PLCB1: variants seen among roughly 807,000 people sequenced by gnomAD.
The protein encoded by PLCB1 is 1-phosphatidylinositol 4,5-bisphosphate phosphodiesterase beta-1.
Under a neutral mutation model 161.8 loss-of-function variants are expected in PLCB1, and 46 were observed. The observed-to-expected ratio is 0.28, with a 90% CI of 0.22 to 0.36. The LOEUF (loss-of-function observed/expected upper bound fraction) is 0.36, where lower values mean the gene tolerates loss of function less well. PLCB1 is among the 10% of genes least tolerant of loss of function. The probability of loss-of-function intolerance (pLI) is 1.00; values close to 1 mark genes in which losing one functional copy is unlikely to be tolerated. For missense variants in PLCB1, 1,016 were observed against 1,472.5 expected (o/e 0.69, Z 5.07); for synonymous variants, 517 against 503.7 (o/e 1.03, Z -0.35).
chr20:8,239,785 C>T (rs1317276530), intron 2 of PLCB1, among the ~76,000 whole-genome samples: 1 of 152,050 alleles, frequency 6.6e-6, no homozygotes, highest in South Asian at 2.1e-4. Context: ...GAATTGGCAA[C>T]AATTCAGTTC....
intron 12 of PLCB1, among the ~76,000 whole-genome samples, chr20:8,713,741 A>G (rs934409865): frequency 1.3e-5 from 2 of 152,266 alleles, no homozygotes; most frequent in South Asian, 2.1e-4. Context: ...CTTAAAATGC[A>G]TGTTCCGGGG....
intron 2 of PLCB1, among the ~76,000 whole-genome samples, chr20:8,241,856 A>G (rs1980628976): frequency 6.6e-6 from 1 of 151,948 alleles, no homozygotes; most frequent in South Asian, 2.1e-4. Flanking sequence ...GGTGGCTGAG[A>G]TTTAGATGAT....
At chr20:8,699,158 C>T (rs1990645479) in intron 11 of PLCB1, among the ~76,000 whole-genome samples, 1 of 152,176 alleles carries the variant, frequency 6.6e-6, no homozygotes, top group Admixed American at 6.5e-5. Flanking sequence ...CAGAGGACAA[C>T]CTCTCGCACT....
At chr20:8,333,797 G>T (rs1271253351) in intron 2 of PLCB1, among the ~76,000 whole-genome samples, 1 of 152,172 alleles carries the variant, frequency 6.6e-6, no homozygotes, top group Admixed American at 6.5e-5. Flanking sequence ...TGTGGCCCCT[G>T]CTCTGCACTG....
chr20:8,830,639 G>A (rs957141462), intron 31 of PLCB1, among the ~76,000 whole-genome samples: 2 of 151,926 alleles, frequency 1.3e-5, no homozygotes, highest in African/African-American at 4.8e-5. Context: ...TTATGTATCC[G>A]ATCAAGTACC....
At chr20:8,668,462 A>C (rs1243127137) in intron 9 of PLCB1, among the ~76,000 whole-genome samples, 1 of 152,204 alleles carries the variant, frequency 6.6e-6, no homozygotes, top group Non-Finnish European at 1.5e-5. Flanking sequence ...TTATATGTAG[A>C]AAATGAGCCC....
chr20:8,153,087 A>C (rs2051526143), intron 2 of PLCB1, among the ~76,000 whole-genome samples: 1 of 152,186 alleles, frequency 6.6e-6, no homozygotes, highest in Non-Finnish European at 1.5e-5. Flanking sequence ...GGTGACAAAG[A>C]AGACAGCACA....
rs140912869 is a variant in PLCB1 at position 8,542,809 on chromosome 20, C to T, written c.247-85485C>T. 5.3e-4 allele frequency among the ~76,000 whole-genome samples: 80 copies of T among 152,266 alleles called. 1 individual carries two copies. The highest frequency in any genetic ancestry group is 9.7e-4 in the Non-Finnish European group (66 of 68,022). ...AGGGAAGGAAACTGAAGCCGAGGGA[C>T]GTTAATTGAATTGCCTCTGTTGTGG... On this transcript the variant is annotated intron_variant, in intron 3 of 31. Transcript: ENST00000338037.
intron 31 of PLCB1, among the ~76,000 whole-genome samples, chr20:8,822,508 T>C (rs1186991366): frequency 1.3e-5 from 2 of 152,154 alleles, no homozygotes; most frequent in Non-Finnish European, 2.9e-5. Context: ...TGGGCATTTT[T>C]CTTCAATAAT....
chr20:8,383,312 GT>G (rs1427199851), intron 3 of PLCB1, among the ~76,000 whole-genome samples: 1 of 152,018 alleles, frequency 6.6e-6, no homozygotes, highest in Non-Finnish European at 1.5e-5. Flanking sequence ...GTCTTTGTTG[GT>G]TTAAAGTCTG....
chr20:8,615,326 G>C (rs1182920499), intron 3 of PLCB1, among the ~76,000 whole-genome samples: 1 of 152,150 alleles, frequency 6.6e-6, no homozygotes, highest in African/African-American at 2.4e-5. Flanking sequence ...GTGATTTATA[G>C]TTCTTTTGTT....
intron 2 of PLCB1, among the ~76,000 whole-genome samples, chr20:8,319,413 A>C (rs1351957008): frequency 6.6e-6 from 1 of 152,086 alleles, no homozygotes; most frequent in Non-Finnish European, 1.5e-5. Context: ...AGGCTAGCCC[A>C]AGATTGTTCA....
At chr20:8,335,273 C>T (rs1985529085) in intron 2 of PLCB1, among the ~76,000 whole-genome samples, 1 of 152,156 alleles carries the variant, frequency 6.6e-6, no homozygotes, top group African/African-American at 2.4e-5. Context: ...CCTGATGTCT[C>T]ACCCAGCCAG....
intron 22 of PLCB1, among the ~76,000 whole-genome samples, chr20:8,741,139 A>C (rs1000095917): frequency 6.6e-6 from 1 of 152,248 alleles, no homozygotes; most frequent in African/African-American, 2.4e-5. Flanking sequence ...CTAAGGAATC[A>C]AGAATATTCA....
At chr20:8,446,157 C>T (rs1361881815) in intron 3 of PLCB1, among the ~76,000 whole-genome samples, 2 of 152,144 alleles carry the variant, frequency 1.3e-5, no homozygotes, top group African/African-American at 4.8e-5. Context: ...CAAAAATCCT[C>T]AATAAAATGC....
chr20:8,823,310 A>G (rs1985526824), intron 31 of PLCB1, among the ~76,000 whole-genome samples: 1 of 152,098 alleles, frequency 6.6e-6, no homozygotes, highest in Non-Finnish European at 1.5e-5. Context: ...TTTAGTACAG[A>G]TGGGGTTTCA....
intron 3 of PLCB1, among the ~76,000 whole-genome samples, chr20:8,429,518 G>A (rs1369373771): frequency 1.3e-5 from 2 of 151,972 alleles, no homozygotes; most frequent in African/African-American, 2.4e-5. Flanking sequence ...ATAGAGTCAA[G>A]CGCCATGCAA....
chr20:8,822,478 A>G (rs1452787401), intron 31 of PLCB1, among the ~76,000 whole-genome samples: 1 of 152,194 alleles, frequency 6.6e-6, no homozygotes, highest in Non-Finnish European at 1.5e-5. Flanking sequence ...TAAGTTGCCA[A>G]AATACTGTGG....
chr20:8,856,525 G>C (rs1206681319), intron 31 of PLCB1, among the ~76,000 whole-genome samples: 1 of 152,102 alleles, frequency 6.6e-6, no homozygotes. Flanking sequence ...GCTGAGGCAT[G>C]AGAATTGCTT....
Sources: gnomAD v4.1 joint callset for allele counts (sites outside exome capture counted in the v4.1 genomes callset) on GRCh38, gnomAD v4.1.1 for gene constraint, MANE v1.5 for transcripts, NCBI Gene and HGNC (gene_info 2026-07-23, HGNC 2026-07-21) for gene names.